FAM234A: variants seen among roughly 807,000 people sequenced by gnomAD.
FAM234A encodes the protein family with sequence similarity 234 member A.
In FAM234A, 42 loss-of-function variants were observed where a neutral mutation model predicts 49.1. The observed-to-expected ratio is 0.86, with a 90% CI of 0.67 to 1.11. The LOEUF is 1.11. FAM234A is among the 50% of genes least tolerant of loss of function. The pLI, the probability that FAM234A is intolerant of heterozygous loss-of-function variation, is 0.00. For synonymous variants in FAM234A, 369 were observed against 316.2 expected (o/e 1.17, Z -1.77); for missense variants, 815 against 745.2 (o/e 1.09, Z -1.09).
downstream of FAM234A, chr16:269,204 G>A (rs1468463279): frequency 4.0e-6 from 5 of 1,235,796 alleles, no homozygotes; most frequent in Admixed American, 2.0e-5. Flanking sequence ...CAAGACGGGG[G>A]TGGCTGCTGC....
Position 264,640 on chromosome 16 carries a change from G to A in FAM234A, c.1371G>A (p.Leu457=). The change falls in exon 12 of 13, where the codon CTG becomes CTA. Residue 457 remains leucine, a synonymous_variant. Coordinates refer to ENST00000399932, the MANE Select transcript of FAM234A (RefSeq NM_032039.4). The stretch of plus-strand genomic sequence containing the variant: ...AGACCGGGGAGGCCCGGCACAGCCT[G>A]TACATGTTCCACCCCACCCTGCCGC... ...ETETGEARHS[L]YMFHPTLPRV... is the part of the protein sequence containing the mutation. 6.2e-7 allele frequency: 1 copy of A among 1,611,584 alleles called. No homozygotes were observed. Among genetic ancestry groups the A allele is most frequent in the Non-Finnish European group, 8.5e-7 (1 of 1,179,874 alleles).
chr16:263,235 G>A lies in FAM234A; in HGVS notation c.972-27G>A, dbSNP rs374171669. 252 of 1,605,398 alleles carry A rather than the reference G, an allele frequency of 1.6e-4. 4 individuals carry two copies. The highest frequency in any genetic ancestry group is 1.5e-3 in the South Asian group (140 of 90,984). Reference sequence around the variant, plus strand: ...CCTGAGGCCGCCCCGGGGACCCGGCGCCCCTTTCTCCCACTCTCCTGTCTA... The same window carrying A: ...CCTGAGGCCGCCCCGGGGACCCGGCACCCCTTTCTCCCACTCTCCTGTCTA... On this transcript the variant is annotated intron_variant, in intron 8 of 12. Transcript: ENST00000399932.
downstream of FAM234A, chr16:268,192 C>A (rs188442758): frequency 4.6e-3 from 801 of 174,124 alleles, 5 homozygotes; most frequent in African/African-American, 0.018. Flanking sequence ...CACAATCACA[C>A]ACGCTATACA....
At chr16:262,283 CG>C in intron 7 of FAM234A, 58 bp downstream of exon 7, 1 of 1,597,572 alleles carries the variant, frequency 6.3e-7, no homozygotes, top group South Asian at 1.1e-5. Context: ...GACTGCCCTG[CG>C]GCTCCTCAGG....
chr16:240,591 C>G (rs903482996), intron 1 of FAM234A, among the ~76,000 whole-genome samples: 3 of 151,836 alleles, frequency 2.0e-5, no homozygotes, highest in African/African-American at 7.3e-5. Flanking sequence ...CAACCTCTGC[C>G]TCCTTGGTTA....
intron 2 of FAM234A, among the ~76,000 whole-genome samples, chr16:251,800 G>T (rs1214073964): frequency 1.3e-5 from 2 of 149,054 alleles, no homozygotes; most frequent in Admixed American, 1.4e-4. Context: ...TCAGGAGATC[G>T]AGACCATCCT....
chr16:244,339 G>A (rs1382770177), intron 1 of FAM234A, among the ~76,000 whole-genome samples: 1 of 152,182 alleles, frequency 6.6e-6, no homozygotes, highest in Admixed American at 6.5e-5. Flanking sequence ...TAACATGCCA[G>A]GGGTTTGGCT....
At position 244,114 on chromosome 16, in the gene FAM234A, A is replaced by T. The variant is rs143342706; in HGVS notation, c.-139-5435A>T. ...CTCCTGAGTAGCTGGGACTACAGGC[A>T]CCCGCCACCACGCCCGGCTAATTTT... On this transcript the variant is annotated intron_variant, in intron 1 of 12. Transcript: ENST00000399932. Among the ~76,000 whole-genome samples the T allele has an allele frequency of 4.5e-3, 679 of 151,738 alleles. 2 individuals are homozygous for T. Among genetic ancestry groups the T allele is most frequent in the Non-Finnish European group, 5.9e-3 (402 of 67,914 alleles).
intron 1 of FAM234A, among the ~76,000 whole-genome samples, chr16:238,144 G>C (rs2050468011): frequency 6.6e-6 from 1 of 152,066 alleles, no homozygotes; most frequent in South Asian, 2.1e-4. Flanking sequence ...TCAGCCTCCT[G>C]AGTAGCTGAG....
chr16:263,374 T>A lies in FAM234A; in HGVS notation c.1084T>A (p.Trp362Arg). 2 of 1,611,580 alleles carry A rather than the reference T, an allele frequency of 1.2e-6. No homozygotes were observed. Among genetic ancestry groups the A allele is most frequent in the Non-Finnish European group, 1.7e-6 (2 of 1,179,972 alleles). ...GGACGGGCAGGAGCTGACGCCTCGC[T>A]GGACACCCAAGGCAGCCCATGTCCT... ...LLDGQELTPR[W>R]TPKAAHVLRK... Residue 362 changes from tryptophan (W) to arginine (R), a missense_variant, in exon 9 of 13, where the codon TGG (tryptophan) becomes AGG (arginine). Physicochemically the swap from Trp to Arg is moderately radical, Grantham distance 101 (BLOSUM62 -3). Coordinates refer to ENST00000399932, the MANE Select transcript of FAM234A (RefSeq NM_032039.4).
rs773978292 is a variant in FAM234A, at chr16:260,008, GGGCC to G, written c.426_429del (p.Ala143ThrfsTer67). The G allele has an allele frequency of 1.2e-3, 1,898 of 1,613,654 alleles. 1 individual carries two copies. Among genetic ancestry groups the G allele is most frequent in the Non-Finnish European group, 1.4e-3 (1,685 of 1,180,000 alleles). ...TGCACCTTTGCAGCTGCTGTGTCGGGGGCCAACGGCAGCACGCTCTGGGAGAGAC... is the reference window on the plus strand; with the variant it reads ...TGCACCTTTGCAGCTGCTGTGTCGGGAACGGCAGCACGCTCTGGGAGAGAC... On this transcript the variant is annotated frameshift_variant, in exon 5 of 13. Transcript: ENST00000399932. LOFTEE classifies it high-confidence loss of function.
At chr16:257,216 G>T (rs2051268881) in intron 3 of FAM234A, among the ~76,000 whole-genome samples, 1 of 143,828 alleles carries the variant, frequency 7.0e-6, no homozygotes, top group African/African-American at 2.6e-5. Flanking sequence ...ATGCATAAAA[G>T]CTTTTAGTTT....
chr16:264,216 A>C, intron 11 of FAM234A, 45 bp downstream of exon 11: 1 of 1,540,848 alleles, frequency 6.5e-7, no homozygotes, highest in South Asian at 1.2e-5. Context: ...AGCCGGGGCC[A>C]GAGACCCAGG....
rs1433345626 is a variant in FAM234A at position 259,629 on chromosome 16, G to C, written c.385+30G>C. On this transcript the variant is annotated intron_variant, in intron 4 of 12. Transcript: ENST00000399932. ...TTTCATTTTATATGAAAAAGGCGGAGCTCCCTGTAGAAAGAGGAATCGTCA... is the reference window on the plus strand; with the variant it reads ...TTTCATTTTATATGAAAAAGGCGGACCTCCCTGTAGAAAGAGGAATCGTCA... 4 of 1,345,298 alleles carry C rather than the reference G, an allele frequency of 3.0e-6. No homozygotes were observed. The African/African-American group carries it at 5.8e-5, about 20-fold the overall frequency. The allele number at this position is 1,345,298 out of a possible 1,614,324, so 83.3% of individuals were successfully genotyped here. A position where few individuals can be genotyped will look rare whatever the true frequency, so the allele number is the denominator to read the frequency against.
intron 3 of FAM234A, among the ~76,000 whole-genome samples, chr16:255,553 G>GAC (rs1469846725): frequency 1.3e-5 from 2 of 152,186 alleles, no homozygotes; most frequent in Non-Finnish European, 2.9e-5. Flanking sequence ...CAGCCTGGGT[G>GAC]ACAGAGAGAG....
intron 1 of FAM234A, among the ~76,000 whole-genome samples, chr16:243,795 C>CAG (rs1454704000): frequency 6.6e-6 from 1 of 152,128 alleles, no homozygotes; most frequent in African/African-American, 2.4e-5. Context: ...AAAGCATGTG[C>CAG]AGAGGCTGTA....
chr16:260,838 T>C (rs938129162), intron 5 of FAM234A: 3 of 369,668 alleles, frequency 8.1e-6, no homozygotes, highest in African/African-American at 6.4e-5. Flanking sequence ...GATGAGATTG[T>C]ATGTGCGTAA....
At position 254,592 on chromosome 16, in the gene FAM234A, T is replaced by C. The variant is rs768103064; in HGVS notation, c.179T>C (p.Leu60Pro). 6.2e-7 allele frequency: 1 copy of C among 1,612,880 alleles called. No homozygotes were observed. The highest frequency in any genetic ancestry group is 1.1e-5 in the South Asian group (1 of 91,054). Residue 60 changes from leucine (L) to proline (P), a missense_variant, in exon 3 of 13, where the codon CTT becomes CCT. Physicochemically the swap from Leu to Pro is moderately conservative, Grantham distance 98 (BLOSUM62 -3). Transcript: ENST00000399932. ...TTTTTTCTTTCATTGTTTCTCTGCC[T>C]TTTTGTGGTGTTCGTCGTCTCATTC... The part of the protein sequence containing the change: ...AAFFLSLFLC[L>P]FVVFVVSFVI...
At position 265,889 on chromosome 16, in the gene FAM234A, C is replaced by T. The variant is rs1487422364; in HGVS notation, c.*867C>T. ...AGGCATGGCAAGCGCCTGCCTCTCC[C>T]CTTCCGGTGCTCACACGCCCACGCC... On this transcript the variant is annotated 3_prime_UTR_variant, in exon 13 of 13. Transcript: ENST00000399932. 1.0e-6 allele frequency: 1 copy of T among 986,454 alleles called. No individual in the cohort carries two copies. Among genetic ancestry groups the T allele is most frequent in the African/African-American group, 1.7e-5 (1 of 57,380 alleles). 61.1% of individuals were successfully genotyped at this position (986,454 alleles called of 1,614,324 possible).
Sources: gnomAD v4.1 joint callset for allele counts (sites outside exome capture counted in the v4.1 genomes callset) on GRCh38, gnomAD v4.1.1 for gene constraint, MANE v1.5 for transcripts, NCBI Gene and HGNC (gene_info 2026-07-23, HGNC 2026-07-21) for gene names.